The following RGS6 variants were observed in gnomAD, a reference collection of about 807,000 sequenced individuals.
RGS6 encodes the protein regulator of G-protein signaling 6.
RGS6 carries 30 observed loss-of-function variants against 78.5 expected under a neutral mutation model. That is an observed-to-expected ratio of 0.38 (90% confidence interval 0.29 to 0.52). The LOEUF is 0.52. Ranked by LOEUF, RGS6 falls within the 20% of genes least tolerant of loss-of-function variation. The pLI is 0.85. For missense variants in RGS6, 495 were observed against 609.7 expected (o/e 0.81, Z 1.98); for synonymous variants, 206 against 206.0 (o/e 1.00, Z 0.00).
rs562380494 is a variant in RGS6 at position 72,241,955 on chromosome 14, A to G, written c.85-110140A>G. Among the ~76,000 whole-genome samples, 7 of 152,342 alleles carry G rather than the reference A, an allele frequency of 4.6e-5. No homozygotes were observed. The East Asian group carries it at 1.3e-3, about 29-fold the overall frequency. ...AACTTGCTAACTTTATAATTTTTGAATTCGGAAACTTGAATGAGATATGCT... is the reference window on the plus strand; with the variant it reads ...AACTTGCTAACTTTATAATTTTTGAGTTCGGAAACTTGAATGAGATATGCT... On this transcript the variant is annotated intron_variant, in intron 2 of 17. Transcript: ENST00000553525.
intron 2 of RGS6, among the ~76,000 whole-genome samples, chr14:72,247,483 G>A (rs1008990191): frequency 6.6e-6 from 1 of 152,146 alleles, no homozygotes; most frequent in Non-Finnish European, 1.5e-5. Flanking sequence ...TTATCTTCAA[G>A]GAAATAGTGC....
chr14:72,150,496 C>A (rs930241073), intron 2 of RGS6, among the ~76,000 whole-genome samples: 2 of 152,006 alleles, frequency 1.3e-5, no homozygotes. Context: ...TCTCACACTG[C>A]TATAAAAAAT....
chr14:72,441,636 GT>G (rs2153209359), intron 3 of RGS6, among the ~76,000 whole-genome samples: 2 of 152,388 alleles, frequency 1.3e-5, no homozygotes, highest in East Asian at 1.9e-4. Flanking sequence ...TGCCATTCCT[GT>G]TTTGTGGTCA....
chr14:72,142,456 C>T (rs999716921), intron 2 of RGS6, among the ~76,000 whole-genome samples: 7 of 152,200 alleles, frequency 4.6e-5, no homozygotes, highest in South Asian at 2.1e-4. Context: ...GTCATTGCTT[C>T]GCCAGGCCTG....
intron 2 of RGS6, among the ~76,000 whole-genome samples, chr14:72,068,107 A>G (rs1160428561): frequency 2.0e-5 from 3 of 151,748 alleles, no homozygotes; most frequent in East Asian, 2.0e-4. Context: ...AGATTACACT[A>G]ATATCATTTA....
chr14:72,489,543 G>A (rs1035710547), intron 12 of RGS6, among the ~76,000 whole-genome samples: 1 of 152,154 alleles, frequency 6.6e-6, no homozygotes, highest in African/African-American at 2.4e-5. Flanking sequence ...AAATCATTAT[G>A]GATTATCCAG....
the RGS6 span, among the ~76,000 whole-genome samples, chr14:71,881,703 G>T: frequency 6.6e-6 from 1 of 152,148 alleles, no homozygotes; most frequent in African/African-American, 2.4e-5. Flanking sequence ...AAATTACCCA[G>T]TCTCAGGTAT....
At chr14:72,305,795 A>G (rs1194650182) in intron 2 of RGS6, among the ~76,000 whole-genome samples, 1 of 152,230 alleles carries the variant, frequency 6.6e-6, no homozygotes, top group Non-Finnish European at 1.5e-5. Context: ...AGAGTCATAC[A>G]TCTCTCACTT....
At chr14:72,034,076 A>G (rs920499626) in intron 2 of RGS6, among the ~76,000 whole-genome samples, 4 of 152,152 alleles carry the variant, frequency 2.6e-5, no homozygotes, top group African/African-American at 9.7e-5. Flanking sequence ...AGATGTCTCT[A>G]TTCTTCAAGT....
At chr14:72,140,835 C>T (rs1002227523) in intron 2 of RGS6, among the ~76,000 whole-genome samples, 16 of 152,252 alleles carry the variant, frequency 1.1e-4, no homozygotes, top group Admixed American at 3.9e-4. Flanking sequence ...GCAAGCCAGG[C>T]ACAGAACTGT....
chr14:72,403,341 C>A (rs1596949006), intron 3 of RGS6, among the ~76,000 whole-genome samples: 1 of 152,260 alleles, frequency 6.6e-6, no homozygotes, highest in African/African-American at 2.4e-5. Flanking sequence ...AGTGAAGTAA[C>A]CCAGGCACAG....
At chr14:72,286,619 A>G (rs373826473) in intron 2 of RGS6, among the ~76,000 whole-genome samples, 4 of 152,104 alleles carry the variant, frequency 2.6e-5, no homozygotes, top group African/African-American at 9.6e-5. Flanking sequence ...TATTTTAGCA[A>G]TATTGTCTTC....
intron 14 of RGS6, among the ~76,000 whole-genome samples, chr14:72,518,111 C>T (rs1330188121): frequency 6.6e-6 from 1 of 152,198 alleles, no homozygotes; most frequent in Non-Finnish European, 1.5e-5. Context: ...AGAGAAATCC[C>T]GTTCTGATAA....
chr14:72,073,876 CTAT>C (rs1269565029), intron 2 of RGS6, among the ~76,000 whole-genome samples: 1 of 152,060 alleles, frequency 6.6e-6, no homozygotes, highest in Non-Finnish European at 1.5e-5. Flanking sequence ...AAAATTATTA[CTAT>C]TATTGGATAT....
chr14:72,075,570 A>T (rs2094545645), intron 2 of RGS6, among the ~76,000 whole-genome samples: 1 of 152,192 alleles, frequency 6.6e-6, no homozygotes, highest in Non-Finnish European at 1.5e-5. Flanking sequence ...TCACTATAAA[A>T]GAGAGGCAGT....
chr14:72,368,601 C>T (rs76805733), intron 3 of RGS6, among the ~76,000 whole-genome samples: 1,847 of 152,246 alleles, frequency 0.012, 44 homozygotes, highest in African/African-American at 0.043. Context: ...TAATGAACTT[C>T]CCTGCCTCCC....
intron 2 of RGS6, among the ~76,000 whole-genome samples, chr14:72,197,782 G>A (rs968347934): frequency 6.6e-5 from 10 of 151,988 alleles, no homozygotes; most frequent in Non-Finnish European, 1.0e-4. Flanking sequence ...AGTGGGTCAC[G>A]CCCACCAGAA....
At chr14:72,189,023 G>C (rs1485473063) in intron 2 of RGS6, among the ~76,000 whole-genome samples, 1 of 152,184 alleles carries the variant, frequency 6.6e-6, no homozygotes, top group African/African-American at 2.4e-5. Flanking sequence ...CTTTGTGAGA[G>C]TGATGGCCTA....
chr14:72,041,594 G>C (rs1339540384), intron 2 of RGS6, among the ~76,000 whole-genome samples: 1 of 152,224 alleles, frequency 6.6e-6, no homozygotes, highest in Non-Finnish European at 1.5e-5. Flanking sequence ...GAAGCTCTGA[G>C]TAGGTTGTTT....
Sources: gnomAD v4.1 joint callset for allele counts (sites outside exome capture counted in the v4.1 genomes callset) on GRCh38, gnomAD v4.1.1 for gene constraint, MANE v1.5 for transcripts, NCBI Gene and HGNC (gene_info 2026-07-23, HGNC 2026-07-21) for gene names.